Variants in GRIA4 observed in about 807,000 individuals in gnomAD.
GRIA4 encodes the protein glutamate ionotropic receptor AMPA type subunit 4, also known as glutamate receptor 4.
GRIA4 carries 34 observed loss-of-function variants against 104.0 expected under a neutral mutation model. The observed-to-expected ratio is 0.33, with a 90% CI of 0.25 to 0.44. GRIA4 has a LOEUF of 0.44. Among genes scored for constraint, GRIA4 ranks in the 20% least tolerant of loss-of-function variants. The pLI is 1.00. For synonymous variants in GRIA4, 386 were observed against 381.9 expected, an observed-to-expected ratio of 1.01 and a Z score of -0.13; for missense variants, 750 against 1,096.5, an observed-to-expected ratio of 0.68 and a Z score of 4.46.
intron 3 of GRIA4, among the ~76,000 whole-genome samples, chr11:105,648,703 CCAA>C (rs1330620268): frequency 2.0e-5 from 3 of 152,022 alleles, no homozygotes; most frequent in Non-Finnish European, 4.4e-5. Flanking sequence ...ATAATAAAAA[CCAA>C]CAAATGAGTG....
At chr11:105,680,047 C>T (rs1952660049) in intron 3 of GRIA4, among the ~76,000 whole-genome samples, 1 of 152,126 alleles carries the variant, frequency 6.6e-6, no homozygotes, top group Non-Finnish European at 1.5e-5. Flanking sequence ...GGATCAATCA[C>T]CCTAGCCAGC....
At chr11:105,685,820 CAA>C (rs34648907) in intron 3 of GRIA4, among the ~76,000 whole-genome samples, 1 of 151,952 alleles carries the variant, frequency 6.6e-6, no homozygotes. Context: ...AGGCATCAAT[CAA>C]AAAAGTCAAC....
chr11:105,953,126 T>C (rs1384217776), intron 14 of GRIA4, among the ~76,000 whole-genome samples: 1 of 152,230 alleles, frequency 6.6e-6, no homozygotes, highest in Non-Finnish European at 1.5e-5. Flanking sequence ...GCATTGATAA[T>C]GCTGAAAACT....
chr11:105,881,672 C>T (rs564219876), intron 5 of GRIA4, among the ~76,000 whole-genome samples: 9 of 152,004 alleles, frequency 5.9e-5, no homozygotes, highest in Admixed American at 3.3e-4. Flanking sequence ...TAATTTCTGA[C>T]GTCTCCAAGT....
intron 4 of GRIA4, among the ~76,000 whole-genome samples, chr11:105,821,398 A>G (rs1488880741): frequency 1.3e-5 from 2 of 152,214 alleles, no homozygotes; most frequent in South Asian, 2.1e-4. Flanking sequence ...AAAGATGTTT[A>G]ATTGGCTCAT....
intron 4 of GRIA4, among the ~76,000 whole-genome samples, chr11:105,857,341 T>C (rs765655355): frequency 3.7e-4 from 56 of 152,086 alleles, no homozygotes; most frequent in Admixed American, 5.2e-4. Flanking sequence ...ACTGACAAAT[T>C]GTGCCAGACC....
chr11:105,797,377 T>C (rs766636579), intron 4 of GRIA4, among the ~76,000 whole-genome samples: 17 of 152,284 alleles, frequency 1.1e-4, no homozygotes, highest in Non-Finnish European at 1.9e-4. Context: ...TTGTGGTGTA[T>C]GTGTAACTTC....
At chr11:105,635,995 C>CA (rs1177170106) in intron 3 of GRIA4, among the ~76,000 whole-genome samples, 1 of 152,148 alleles carries the variant, frequency 6.6e-6, no homozygotes, top group African/African-American at 2.4e-5. Context: ...AACTCAGAGG[C>CA]AGCATTGCCT....
chr11:105,688,133 TA>T (rs1952946903), intron 3 of GRIA4, among the ~76,000 whole-genome samples: 1 of 76,842 alleles, frequency 1.3e-5, no homozygotes, highest in Admixed American at 1.6e-4. Context: ...TATCTATATC[TA>T]TATCTATATC....
chr11:105,850,293 A>C (rs968188254), intron 4 of GRIA4, among the ~76,000 whole-genome samples: 4 of 152,192 alleles, frequency 2.6e-5, no homozygotes, highest in Non-Finnish European at 5.9e-5. Flanking sequence ...TCTAATTAAA[A>C]TATAAGTACT....
rs1431734115 is a variant in GRIA4 at position 105,702,689 on chromosome 11, CCTTT to C, written c.248-50287_248-50284del. Among the ~76,000 whole-genome samples the C allele has an allele frequency of 5.0e-3, 380 of 75,846 alleles. 19 individuals are homozygous for C. The highest frequency in any genetic ancestry group is 0.018 in the African/African-American group (364 of 20,630). 49.8% of individuals were successfully genotyped at this position (75,846 alleles called of 152,430 possible). A position where few individuals can be genotyped will look rare whatever the true frequency, so the allele number is the denominator to read the frequency against. On this transcript the variant is annotated intron_variant, in intron 3 of 16. Transcript: ENST00000282499. Reference sequence around the variant, plus strand: ...CTTATAAGATATGCAAAATTATTTTCCTTTCTTTTTTTTTTTTTTTTTTTTGAGA... The same window carrying C: ...CTTATAAGATATGCAAAATTATTTTCCTTTTTTTTTTTTTTTTTTTTGAGA...
chr11:105,906,222 A>G (rs1947036799), intron 9 of GRIA4, among the ~76,000 whole-genome samples: 1 of 152,180 alleles, frequency 6.6e-6, no homozygotes, highest in Non-Finnish European at 1.5e-5. Context: ...TAATTTGAGT[A>G]GTAGTATTTC....
At chr11:105,732,330 G>A (rs185226761) in intron 3 of GRIA4, among the ~76,000 whole-genome samples, 50 of 152,258 alleles carry the variant, frequency 3.3e-4, no homozygotes, top group Admixed American at 2.0e-3. Flanking sequence ...AGTGCCCAGC[G>A]TTGAGTGGAG....
intron 3 of GRIA4, among the ~76,000 whole-genome samples, chr11:105,740,876 A>C (rs2135651757): frequency 6.6e-6 from 1 of 152,316 alleles, no homozygotes; most frequent in East Asian, 1.9e-4. Context: ...GAGTTTAGTA[A>C]AGACAAAAGT....
intron 4 of GRIA4, among the ~76,000 whole-genome samples, chr11:105,849,480 T>C (rs930064870): frequency 2.6e-5 from 4 of 152,280 alleles, no homozygotes; most frequent in African/African-American, 9.6e-5. Flanking sequence ...ATATACAAGT[T>C]TGCCTTTTGT....
chr11:105,762,542 G>A (rs1446075503), intron 4 of GRIA4, among the ~76,000 whole-genome samples: 1 of 152,046 alleles, frequency 6.6e-6, no homozygotes, highest in Non-Finnish European at 1.5e-5. Context: ...TGTGTTTTGA[G>A]GATTTTTTTG....
intron 3 of GRIA4, among the ~76,000 whole-genome samples, chr11:105,752,085 C>T (rs913065519): frequency 6.6e-6 from 1 of 151,744 alleles, no homozygotes; most frequent in Non-Finnish European, 1.5e-5. Context: ...CCAATTTGGA[C>T]CAGAAATCAG....
rs771379713 is a variant in GRIA4, at chr11:105,887,580, C to G, written c.726+8C>G. On this transcript the variant is annotated splice_region_variant and intron_variant, in intron 6 of 16. Coordinates refer to ENST00000282499, the MANE Select transcript of GRIA4 (RefSeq NM_000829.4). ...TATATCATTGCAAACTTGGTAAGAA[C>G]TTCTTATTTTCTACTTTTCATAAGA... The G allele has an allele frequency of 9.4e-6, 12 of 1,278,712 alleles. No individual in the cohort carries two copies. The Admixed American group carries it at 1.8e-4, about 19-fold the overall frequency. The allele number at this position is 1,278,712 out of a possible 1,614,324, so 79.2% of individuals were successfully genotyped here.
intron 3 of GRIA4, among the ~76,000 whole-genome samples, chr11:105,671,336 G>A (rs1952357293): frequency 6.6e-6 from 1 of 151,938 alleles, no homozygotes; most frequent in African/African-American, 2.4e-5. Context: ...GGTCAACAGA[G>A]GTTTCATTTT....
Sources: allele counts gnomAD v4.1 joint callset (sites outside exome capture counted in the v4.1 genomes callset), GRCh38; gene constraint gnomAD v4.1.1; transcripts MANE v1.5; gene names NCBI Gene and HGNC (gene_info 2026-07-23, HGNC 2026-07-21).